EEA1: variants seen among roughly 807,000 people sequenced by gnomAD.
EEA1 encodes early endosome antigen 1, 162kD.
In EEA1, 111 loss-of-function variants were observed where a neutral mutation model predicts 209.2. That is an observed-to-expected ratio of 0.53 (90% CI 0.45 to 0.62). The LOEUF is 0.62. Ranked by LOEUF, EEA1 falls within the 20% of genes least tolerant of loss-of-function variation. EEA1 has a pLI of 0.00. For synonymous variants in EEA1, 536 were observed against 540.6 expected (o/e 0.99, Z 0.12); for missense variants, 1,343 against 1,530.8 (o/e 0.88, Z 2.05).
intron 1 of EEA1, among the ~76,000 whole-genome samples, chr12:92,899,539 C>T (rs1265565835): frequency 6.6e-6 from 1 of 152,248 alleles, no homozygotes; most frequent in Non-Finnish European, 1.5e-5. Context: ...TCCTGAGTCA[C>T]TGAGAGCTCA....
Position 92,832,720 on chromosome 12 carries a change from A to T in EEA1, c.1046T>A (p.Leu349His). The change falls in exon 11 of 29, where the codon CTT becomes CAT. Residue 349 changes from leucine (L) to histidine (H), a missense_variant. By Grantham distance (99) the Leu-to-His change is moderately conservative. Coordinates refer to ENST00000322349, the MANE Select transcript of EEA1 (RefSeq NM_003566.4). ...LHQKDLDCQQLQSRLSASETS... is the reference protein window; with the variant it reads ...LHQKDLDCQQHQSRLSASETS... Reference sequence around the variant, plus strand: ...TTCAGATGCAGACAATCTTGACTGAAGCTGTTGACAATCTAGGTCTTTTTG... The same window carrying T: ...TTCAGATGCAGACAATCTTGACTGATGCTGTTGACAATCTAGGTCTTTTTG... 6.2e-7 allele frequency: 1 copy of T among 1,614,032 alleles called. No homozygotes were observed. The highest frequency in any genetic ancestry group is 8.5e-7 in the Non-Finnish European group (1 of 1,179,976).
chr12:92,815,523 G>A (rs1189450169), intron 15 of EEA1, among the ~76,000 whole-genome samples: 1 of 152,212 alleles, frequency 6.6e-6, no homozygotes, highest in African/African-American at 2.4e-5. Context: ...CGTCTTTCCA[G>A]TGGAATCATT....
chr12:92,886,353 A>G (rs1879383323), intron 2 of EEA1, among the ~76,000 whole-genome samples: 1 of 115,230 alleles, frequency 8.7e-6, no homozygotes, highest in South Asian at 3.8e-4. Flanking sequence ...TGGGTGACAG[A>G]GCAAGATCCT....
chr12:92,854,832 CA>C (rs1200703531), intron 5 of EEA1, among the ~76,000 whole-genome samples: 3 of 152,194 alleles, frequency 2.0e-5, no homozygotes, highest in African/African-American at 7.2e-5. Flanking sequence ...TTACTTTTCA[CA>C]AAAGCCTGCT....
intron 1 of EEA1, among the ~76,000 whole-genome samples, chr12:92,895,099 T>C (rs989763162): frequency 6.6e-6 from 1 of 150,956 alleles, no homozygotes; most frequent in East Asian, 1.9e-4. Context: ...AAAGCCTAAT[T>C]AATAGCACAT....
At chr12:92,840,460 G>A (rs1201786957) in intron 10 of EEA1, among the ~76,000 whole-genome samples, 2 of 152,058 alleles carry the variant, frequency 1.3e-5, no homozygotes, top group Non-Finnish European at 2.9e-5. Flanking sequence ...TTACAGGCAT[G>A]TGCCACCACA....
chr12:92,900,794 C>A (rs747293131), intron 1 of EEA1, among the ~76,000 whole-genome samples: 17 of 151,614 alleles, frequency 1.1e-4, no homozygotes, highest in Non-Finnish European at 2.2e-4. Context: ...TCAGCCTCCC[C>A]AGTAGCTGGA....
At chr12:92,817,620 T>C (rs759908741) in intron 14 of EEA1, among the ~76,000 whole-genome samples, 2 of 152,212 alleles carry the variant, frequency 1.3e-5, no homozygotes, top group African/African-American at 4.8e-5. Context: ...GACTCCATCA[T>C]CTCTTACTTC....
intron 25 of EEA1, among the ~76,000 whole-genome samples, chr12:92,778,412 A>C (rs1243606440): frequency 6.6e-6 from 1 of 152,026 alleles, no homozygotes; most frequent in Non-Finnish European, 1.5e-5. Context: ...TGGTGAGCTA[A>C]AGTGACACAA....
At position 92,802,389 on chromosome 12, in the gene EEA1, A is replaced by C. The variant is rs1379566574; in HGVS notation, c.2670+15T>G. The C allele has an allele frequency of 1.9e-6, 3 of 1,544,450 alleles. No homozygotes were observed. In the African/African-American group the frequency reaches 4.3e-5, roughly 22 times the overall value. On this transcript the variant is annotated intron_variant, in intron 19 of 28. Transcript: ENST00000322349. Reference sequence around the variant, plus strand: ...TAATCACTTCTACCTAAGAAAGTAAATGTAAACTACTAACCAAGTCTAATA... The same window carrying C: ...TAATCACTTCTACCTAAGAAAGTAACTGTAAACTACTAACCAAGTCTAATA...
Position 92,876,147 on chromosome 12 carries a change from C to G in EEA1, c.118-11160G>C, listed in dbSNP as rs73364414. On this transcript the variant is annotated intron_variant, in intron 2 of 28. Coordinates refer to ENST00000322349, the MANE Select transcript of EEA1 (RefSeq NM_003566.4). ...AATGCAGTGGCAGAATCATGATTAA[C>G]TTGCGGCCTCGAACTGCTGGGCTCA... is the stretch of plus-strand genomic sequence containing the variant. Among the ~76,000 whole-genome samples the G allele has an allele frequency of 3.6e-3, 551 of 152,266 alleles. 2 individuals carry two copies. Among genetic ancestry groups the G allele is most frequent in the African/African-American group, 0.013 (531 of 41,546 alleles).
Position 92,777,914 on chromosome 12 carries a change from AAACT to A in EEA1, c.3893+23_3893+26del, listed in dbSNP as rs772374720. ...TCTTTTTATCACTTACAATGGAAAT[AAACT>A]AATTTTACTAGATATCAATCACCTT... On this transcript the variant is annotated intron_variant, in intron 26 of 28. Coordinates refer to ENST00000322349, the MANE Select transcript of EEA1 (RefSeq NM_003566.4). 4.4e-6 allele frequency: 7 copies of A among 1,581,102 alleles called. No homozygotes were observed. In the South Asian group the frequency reaches 7.8e-5, roughly 18 times the overall value.
At chr12:92,794,786 T>G (rs935282434) in intron 21 of EEA1, among the ~76,000 whole-genome samples, 1 of 151,828 alleles carries the variant, frequency 6.6e-6, no homozygotes, top group African/African-American at 2.4e-5. Context: ...ATGTAAATGA[T>G]GAGTTGATGG....
intron 2 of EEA1, among the ~76,000 whole-genome samples, chr12:92,878,111 GAAGAT>G (rs796382533): frequency 3.9e-5 from 6 of 152,174 alleles, no homozygotes; most frequent in African/African-American, 1.4e-4. Flanking sequence ...ACAGAAAGAA[GAAGAT>G]AAGACCAGGC....
chr12:92,852,374 CTG>C, intron 7 of EEA1, 78 bp from the exon 8 acceptor site: 1 of 896,410 alleles, frequency 1.1e-6, no homozygotes, highest in South Asian at 2.9e-5. Flanking sequence ...CTCTGCATAT[CTG>C]TATATCACTC....
At chr12:92,905,188 A>C (rs2936293) in intron 1 of EEA1, among the ~76,000 whole-genome samples, 93,688 of 151,914 alleles carry the variant, frequency 0.62, 29,659 homozygotes, top group East Asian at 0.94. Flanking sequence ...AAGTTTTAGG[A>C]GCTCCATGCC....
intron 1 of EEA1, among the ~76,000 whole-genome samples, chr12:92,913,161 C>G (rs534362413): frequency 6.6e-6 from 1 of 152,336 alleles, no homozygotes; most frequent in South Asian, 2.1e-4. Flanking sequence ...TTCCCATCAA[C>G]AATGTATGGG....
intron 14 of EEA1, among the ~76,000 whole-genome samples, chr12:92,816,859 C>G (rs1460648291): frequency 1.4e-5 from 2 of 146,122 alleles, no homozygotes; most frequent in Admixed American, 1.3e-4. Context: ...TCTGAATTGT[C>G]AGATACACAT....
intron 3 of EEA1, among the ~76,000 whole-genome samples, chr12:92,864,563 CG>C (rs1333749811): frequency 5.3e-5 from 8 of 152,024 alleles, no homozygotes; most frequent in Admixed American, 1.3e-4. Context: ...CTAAGCAAAT[CG>C]TATCATCTTA....
Sources: allele counts gnomAD v4.1 joint callset (sites outside exome capture counted in the v4.1 genomes callset), GRCh38; gene constraint gnomAD v4.1.1; transcripts MANE v1.5; gene names NCBI Gene and HGNC (gene_info 2026-07-23, HGNC 2026-07-21).